The following SETD2 variants were observed in gnomAD, a reference collection of about 807,000 sequenced individuals.
SETD2 encodes the protein SET domain containing 2, histone lysine methyltransferase.
In SETD2, 31 loss-of-function variants were observed where a neutral mutation model predicts 242.1. The ratio of observed to expected loss-of-function variants is 0.13; its 90% CI spans 0.10 to 0.17. The LOEUF is 0.17. Ranked by LOEUF, SETD2 falls within the 10% of genes least tolerant of loss-of-function variation. The probability of loss-of-function intolerance (pLI) is 1.00; values close to 1 mark genes in which losing one functional copy is unlikely to be tolerated. For missense variants in SETD2, 2,481 were observed against 3,046.3 expected (o/e 0.81, Z 4.37); for synonymous variants, 1,006 against 1,066.5 (o/e 0.94, Z 1.11).
chr3:47,069,002 C>A (rs2040696127), intron 12 of SETD2, among the ~76,000 whole-genome samples: 1 of 151,774 alleles, frequency 6.6e-6, no homozygotes, highest in Non-Finnish European at 1.5e-5. Context: ...ATCATGTTGG[C>A]CAGACTGGTC....
chr3:47,070,770 T>C (rs1252797732), intron 12 of SETD2, among the ~76,000 whole-genome samples: 1 of 152,220 alleles, frequency 6.6e-6, no homozygotes, highest in Non-Finnish European at 1.5e-5. Context: ...TTCAAAATGA[T>C]AATTATATGA....
At chr3:47,045,861 C>T (rs1423726750) in intron 16 of SETD2, among the ~76,000 whole-genome samples, 1 of 148,424 alleles carries the variant, frequency 6.7e-6, no homozygotes, top group African/African-American at 2.5e-5. Flanking sequence ...CTGCAAGCTC[C>T]GCCTCCCAGG....
At chr3:47,150,870 T>C (rs766212400) in intron 1 of SETD2, among the ~76,000 whole-genome samples, 8 of 149,226 alleles carry the variant, frequency 5.4e-5, no homozygotes, top group Non-Finnish European at 7.4e-5. Context: ...CAGTGAGCCG[T>C]GATCGTGCCA....
chr3:47,046,743 T>C (rs903685042), intron 15 of SETD2, 122 bp from the exon 16 acceptor site: 1 of 819,016 alleles, frequency 1.2e-6, no homozygotes, highest in Non-Finnish European at 1.7e-6. Flanking sequence ...TTTGTTTATA[T>C]ATTTGGACAT....
chr3:47,082,690 C>T (rs1288769877), intron 12 of SETD2, among the ~76,000 whole-genome samples: 3 of 152,112 alleles, frequency 2.0e-5, no homozygotes, highest in African/African-American at 7.2e-5. Context: ...AATGGGTAAA[C>T]AAAAGCTGAA....
rs565146489 is a variant in SETD2 at position 47,120,241 on chromosome 3, C to T, written c.4395G>A (p.Lys1465=). 2 of 1,595,954 alleles carry T rather than the reference C, an allele frequency of 1.3e-6. No individual in the cohort carries two copies. The highest frequency in any genetic ancestry group is 1.8e-5 in the Admixed American group (1 of 54,854). The change falls in exon 3 of 21, where the codon AAG becomes AAA. Residue 1465 remains lysine (K), a synonymous_variant. Transcript: ENST00000409792. ...RDPQRWKECA[K]QGKMPCYFDL... ...CAAAGTAACATGGCATTTTCCCTTGCTTGGCACATTCCTTCCATCGCTGTG... is the reference window on the plus strand; with the variant it reads ...CAAAGTAACATGGCATTTTCCCTTGTTTGGCACATTCCTTCCATCGCTGTG...
rs760065395 is a variant in SETD2 at position 47,086,176 on chromosome 3, A to G, written c.5397+19T>C. On this transcript the variant is annotated intron_variant, in intron 11 of 20. Transcript: ENST00000409792. ...AATATAACAGTTTTAAGAAACAAGC[A>G]AGCTAAATGTGAACTGACCTCTTCC... The G allele has an allele frequency of 7.6e-5, 123 of 1,610,742 alleles. No individual in the cohort carries two copies. The highest frequency in any genetic ancestry group is 9.8e-5 in the Non-Finnish European group (116 of 1,177,864).
intron 1 of SETD2, among the ~76,000 whole-genome samples, chr3:47,131,546 T>G (rs1456599112): frequency 6.6e-6 from 1 of 151,882 alleles, no homozygotes; most frequent in Non-Finnish European, 1.5e-5. Flanking sequence ...GGCTTCACCG[T>G]GTTAGCCAGG....
At chr3:47,114,896 A>G (rs1444724521) in intron 4 of SETD2, among the ~76,000 whole-genome samples, 1 of 151,194 alleles carries the variant, frequency 6.6e-6, no homozygotes, top group African/African-American at 2.4e-5. Context: ...AAAAAAAAAA[A>G]AAGACCACTG....
At chr3:47,112,171 T>C (rs566012690) in intron 5 of SETD2, among the ~76,000 whole-genome samples, 2 of 151,542 alleles carry the variant, frequency 1.3e-5, no homozygotes, top group East Asian at 3.9e-4. Context: ...TGGAATGCAG[T>C]GCCATGATCT....
At chr3:47,085,598 T>C (rs1297243322) in intron 11 of SETD2, among the ~76,000 whole-genome samples, 2 of 152,268 alleles carry the variant, frequency 1.3e-5, no homozygotes, top group Admixed American at 6.5e-5. Flanking sequence ...CAAGTACTTA[T>C]CTGCCCATTC....
chr3:47,151,024 C>T (rs531155394), intron 1 of SETD2, among the ~76,000 whole-genome samples: 65 of 151,992 alleles, frequency 4.3e-4, no homozygotes, highest in African/African-American at 1.4e-3. Flanking sequence ...GAATAATGAT[C>T]GTTACAAAGA....
chr3:47,041,446 G>A (rs745940887), intron 17 of SETD2: 8 of 389,636 alleles, frequency 2.1e-5, no homozygotes, highest in East Asian at 1.7e-4. Flanking sequence ...CCAGGAGTTC[G>A]TGCAGATCAG....
At chr3:47,080,985 G>A (rs1385756651) in intron 12 of SETD2, 1 of 986,762 alleles carries the variant, frequency 1.0e-6, no homozygotes, top group Non-Finnish European at 1.2e-6. Context: ...TGCACGCTAG[G>A]TTCTCGTTTT....
chr3:47,129,994 C>T (rs2043440481), intron 1 of SETD2, among the ~76,000 whole-genome samples: 1 of 152,032 alleles, frequency 6.6e-6, no homozygotes, highest in Admixed American at 6.6e-5. Flanking sequence ...AAGCGTTAGG[C>T]AACAGAAGTG....
rs570936794 is a variant in SETD2, at chr3:47,121,250, T to A, written c.3386A>T (p.Asp1129Val). 1.2e-6 allele frequency: 2 copies of A among 1,614,126 alleles called. No individual in the cohort carries two copies. The highest frequency in any genetic ancestry group is 1.7e-6 in the Non-Finnish European group (2 of 1,180,040). The change falls in exon 3 of 21, where the codon GAT (aspartate) becomes GTT (valine). Residue 1129 changes from aspartate (D) to valine (V), a missense_variant. Coordinates refer to ENST00000409792, the MANE Select transcript of SETD2 (RefSeq NM_014159.7). ...SIASKACPQT[D>V]KFFLHKGTEK... ...TGTTCCTTTATGAAGGAAAAACTTA[T>A]CAGTTTGAGGACAGGCTTTACTTGC...
chr3:47,149,877 C>G (rs780819727), intron 1 of SETD2, among the ~76,000 whole-genome samples: 9 of 152,180 alleles, frequency 5.9e-5, no homozygotes, highest in Non-Finnish European at 1.2e-4. Flanking sequence ...TTGCCTCATA[C>G]AGTTAGAAAC....
At chr3:47,069,717 G>A (rs2040734866) in intron 12 of SETD2, among the ~76,000 whole-genome samples, 1 of 152,106 alleles carries the variant, frequency 6.6e-6, no homozygotes, top group Non-Finnish European at 1.5e-5. Flanking sequence ...TACTATGAGG[G>A]ACATCTGAAG....
intron 14 of SETD2, among the ~76,000 whole-genome samples, chr3:47,059,571 C>A (rs116782126): frequency 0.019 from 2,930 of 151,660 alleles, 46 homozygotes; most frequent in Middle Eastern, 0.038. Flanking sequence ...AATCATGTGC[C>A]ACCACACCCG....
Sources: allele counts gnomAD v4.1 joint callset (sites outside exome capture counted in the v4.1 genomes callset), GRCh38; gene constraint gnomAD v4.1.1; transcripts MANE v1.5; gene names NCBI Gene and HGNC (gene_info 2026-07-23, HGNC 2026-07-21).